The following CASQ2 variants were observed in gnomAD, a reference collection of about 807,000 sequenced individuals.
CASQ2 encodes calsequestrin 2.
A neutral mutation model predicts 46.5 loss-of-function variants in CASQ2; 49 were observed. The ratio of observed to expected loss-of-function variants is 1.05; its 90% CI spans 0.84 to 1.34. The LOEUF (loss-of-function observed/expected upper bound fraction) is 1.34, where lower values mean the gene tolerates loss of function less well. Ranked by LOEUF, CASQ2 falls within the 40% of genes most tolerant of loss-of-function variation. The pLI is 0.00. For synonymous variants in CASQ2, 174 were observed against 168.5 expected (o/e 1.03, Z -0.25); for missense variants, 486 against 481.3 (o/e 1.01, Z -0.09).
intron 6 of CASQ2, among the ~76,000 whole-genome samples, chr1:115,725,928 G>A (rs1278812257): frequency 6.6e-6 from 1 of 152,170 alleles, no homozygotes; most frequent in African/African-American, 2.4e-5. Context: ...AACCTGAGGG[G>A]GAAAACAGGA....
intron 7 of CASQ2, among the ~76,000 whole-genome samples, chr1:115,718,285 G>GGAGGCAGCTCAGTA (rs1364881052): frequency 6.6e-6 from 1 of 152,190 alleles, no homozygotes; most frequent in African/African-American, 2.4e-5. Flanking sequence ...CAATGGCTCT[G>GGAGGCAGCTCAGTA]GAGGCAGCTC....
At chr1:115,717,201 G>A (rs1654728194) in intron 8 of CASQ2, among the ~76,000 whole-genome samples, 1 of 152,130 alleles carries the variant, frequency 6.6e-6, no homozygotes, top group Non-Finnish European at 1.5e-5. Flanking sequence ...GCCAATAGAA[G>A]CTCTTTTCTT....
Position 115,701,072 on chromosome 1 carries a change from C to G in CASQ2, c.*169G>C, listed in dbSNP as rs1654187883. The G allele has an allele frequency of 1.0e-6, 1 of 956,070 alleles. No homozygotes were observed. The highest frequency in any genetic ancestry group is 1.7e-6 in the Non-Finnish European group (1 of 597,292). 59.2% of individuals were successfully genotyped at this position (956,070 alleles called of 1,614,324 possible). On this transcript the variant is annotated 3_prime_UTR_variant, in exon 11 of 11. Transcript: ENST00000261448. ...AGTGGGATTGCTGCATTTGAAAAGG[C>G]ATTTGCTGAATGATGCTGCTCCTGA...
intron 4 of CASQ2, among the ~76,000 whole-genome samples, chr1:115,737,282 G>T (rs1385605438): frequency 6.6e-6 from 1 of 152,166 alleles, no homozygotes. Flanking sequence ...GGGTTAAGTT[G>T]GGGCATGGGA....
chr1:115,737,152 C>A (rs933922731), intron 4 of CASQ2, among the ~76,000 whole-genome samples: 12 of 152,130 alleles, frequency 7.9e-5, no homozygotes, highest in African/African-American at 2.9e-4. Flanking sequence ...CGGAAATGTA[C>A]AAACTAAAAT....
chr1:115,724,175 T>G (rs947173420), intron 7 of CASQ2, among the ~76,000 whole-genome samples: 1 of 152,342 alleles, frequency 6.6e-6, no homozygotes, highest in East Asian at 1.9e-4. Context: ...GAACACCAGG[T>G]TTGGCTCCAG....
intron 1 of CASQ2, among the ~76,000 whole-genome samples, chr1:115,754,446 A>T (rs555067695): frequency 5.3e-4 from 81 of 152,326 alleles, no homozygotes; most frequent in Non-Finnish European, 7.3e-4. Context: ...AACAATTTTT[A>T]AAAAAGCACT....
At position 115,738,312 on chromosome 1, in the gene CASQ2, G is replaced by T; in HGVS notation, c.444C>A (p.Ile148=). The part of the protein sequence containing the change: ...LLDLIEDPVE[I]ISSKLEVQAF... ...CTTGGACTTCCAGTTTGCTGCTGAT[G>T]ATCTCCACTGGGTCTTCAATTAGCT... The change falls in exon 4 of 11, where the codon ATC becomes ATA. Residue 148 remains isoleucine (I), a synonymous_variant. Transcript: ENST00000261448. 1 of 1,611,762 alleles carries T rather than the reference G, an allele frequency of 6.2e-7. No homozygotes were observed. Among genetic ancestry groups the T allele is most frequent in the Non-Finnish European group, 8.5e-7 (1 of 1,177,798 alleles).
chr1:115,726,958 CAG>C, intron 6 of CASQ2, 32 bp downstream of exon 6: 59 of 1,384,440 alleles, frequency 4.3e-5, no homozygotes, highest in Non-Finnish European at 5.3e-5. Flanking sequence ...CCCCAGACCC[CAG>C]GCCCCCAGCC....
At chr1:115,756,968 A>G (rs79443918) in intron 1 of CASQ2, among the ~76,000 whole-genome samples, 8 of 151,620 alleles carry the variant, frequency 5.3e-5, no homozygotes, top group Admixed American at 3.3e-4. Context: ...ATAAATAAAT[A>G]AAAAAAAACT....
At chr1:115,729,787 T>C (rs1647726125) in intron 5 of CASQ2, among the ~76,000 whole-genome samples, 1 of 152,194 alleles carries the variant, frequency 6.6e-6, no homozygotes. Context: ...GTAATGGTTT[T>C]TGCCATTACT....
chr1:115,746,618 T>C (rs186683077), intron 1 of CASQ2, among the ~76,000 whole-genome samples: 3 of 152,346 alleles, frequency 2.0e-5, no homozygotes, highest in African/African-American at 7.2e-5. Context: ...TGATTTGCCA[T>C]GTGTATGTTC....
chr1:115,748,892 C>T (rs1648479223), intron 1 of CASQ2, among the ~76,000 whole-genome samples: 1 of 152,160 alleles, frequency 6.6e-6, no homozygotes, highest in South Asian at 2.1e-4. Context: ...TCTTAAACTT[C>T]AGTGTGCATA....
At chr1:115,720,560 T>C (rs1647333928) in intron 7 of CASQ2, among the ~76,000 whole-genome samples, 1 of 152,138 alleles carries the variant, frequency 6.6e-6, no homozygotes. Flanking sequence ...CCCTGCAGGG[T>C]TTGCAGAAAA....
intron 3 of CASQ2, 34 bp from the exon 4 acceptor site, chr1:115,738,369 A>T: frequency 7.7e-7 from 1 of 1,302,066 alleles, no homozygotes; most frequent in Admixed American, 1.7e-5. Context: ...CACATGTTCA[A>T]ACAAGAGATT....
chr1:115,740,525 A>G (rs1648139239), intron 3 of CASQ2, among the ~76,000 whole-genome samples: 1 of 152,170 alleles, frequency 6.6e-6, no homozygotes, highest in Non-Finnish European at 1.5e-5. Flanking sequence ...GGCCCCCAAC[A>G]GTTTCTAGGG....
At chr1:115,706,160 GTA>G (rs1188905270) in intron 8 of CASQ2, among the ~76,000 whole-genome samples, 59 of 149,988 alleles carry the variant, frequency 3.9e-4, no homozygotes, top group African/African-American at 1.4e-3. Context: ...GTGCGTGTGT[GTA>G]TGTGTGTGCG....
At chr1:115,756,967 TA>T (rs1305874994) in intron 1 of CASQ2, among the ~76,000 whole-genome samples, 2 of 151,070 alleles carry the variant, frequency 1.3e-5, no homozygotes, top group South Asian at 4.2e-4. Context: ...AATAAATAAA[TA>T]AAAAAAAACT....
Position 115,700,950 on chromosome 1 carries a change from C to T in CASQ2, c.*291G>A. 2 of 605,396 alleles carry T rather than the reference C, an allele frequency of 3.3e-6. No homozygotes were observed. Among genetic ancestry groups the T allele is most frequent in the Non-Finnish European group, 5.9e-6 (2 of 340,168 alleles). The allele number at this position is 605,396 out of a possible 1,614,324, so 37.5% of individuals were successfully genotyped here. On this transcript the variant is annotated 3_prime_UTR_variant, in exon 11 of 11. Coordinates refer to ENST00000261448, the MANE Select transcript of CASQ2 (RefSeq NM_001232.4). ...TTCACCCTAGACTGCCATGTTCAGG[C>T]ACTGCCATGACCCTTGATGGTCCAG...
Sources: allele counts gnomAD v4.1 joint callset (sites outside exome capture counted in the v4.1 genomes callset), GRCh38; gene constraint gnomAD v4.1.1; transcripts MANE v1.5; gene names NCBI Gene and HGNC (gene_info 2026-07-23, HGNC 2026-07-21).